The following TEX36 variants were observed in gnomAD, a reference collection of about 807,000 sequenced individuals.
The protein encoded by TEX36 is testis expressed 36, also known as testis-expressed protein 36.
Under a neutral mutation model 13.6 loss-of-function variants are expected in TEX36, and 12 were observed. The observed-to-expected ratio is 0.88, with a 90% CI of 0.56 to 1.43. TEX36 has a LOEUF of 1.43. Ranked by LOEUF, TEX36 falls within the 40% of genes most tolerant of loss-of-function variation. The probability of loss-of-function intolerance (pLI) is 0.00; values close to 1 mark genes in which losing one functional copy is unlikely to be tolerated. For missense variants in TEX36, 224 were observed against 228.3 expected (o/e 0.98, Z 0.12); for synonymous variants, 93 against 83.0 (o/e 1.12, Z -0.65).
intron 3 of TEX36, among the ~76,000 whole-genome samples, chr10:125,613,736 A>C (rs1226071597): frequency 6.6e-6 from 1 of 151,976 alleles, no homozygotes; most frequent in Admixed American, 6.6e-5. Context: ...TGCCGCAATA[A>C]ACATACGTGT....
intron 3 of TEX36, among the ~76,000 whole-genome samples, chr10:125,630,102 G>A (rs954287870): frequency 4.6e-5 from 7 of 152,132 alleles, no homozygotes; most frequent in East Asian, 1.9e-4. Context: ...TTTTCTAGAC[G>A]CCTCCTCTGC....
Position 125,655,813 on chromosome 10 carries a change from A to G in TEX36, c.*87T>C, listed in dbSNP as rs974008132. Reference sequence around the variant, plus strand: ...CATAAAAGTACTTTAAAAATTAAATAGTGGTGCTGGATCAGAAAACATATA... The same window carrying G: ...CATAAAAGTACTTTAAAAATTAAATGGTGGTGCTGGATCAGAAAACATATA... On this transcript the variant is annotated 3_prime_UTR_variant, in exon 4 of 4. Transcript: ENST00000368821. The G allele has an allele frequency of 1.7e-5, 23 of 1,356,682 alleles. No homozygotes were observed. The highest frequency in any genetic ancestry group is 2.1e-5 in the Non-Finnish European group (22 of 1,049,562). The allele number at this position is 1,356,682 out of a possible 1,614,324, so 84.0% of individuals were successfully genotyped here.
chr10:125,618,942 TAAAAAAAAA>T (rs11452140), downstream of TEX36, among the ~76,000 whole-genome samples: 9 of 43,586 alleles, frequency 2.1e-4, no homozygotes, highest in African/African-American at 3.0e-4. Context: ...CCGTCTCTAC[TAAAAAAAAA>T]AAAAAAAAAA....
At chr10:125,662,310 C>T (rs1245087036) in intron 1 of TEX36, among the ~76,000 whole-genome samples, 1 of 152,092 alleles carries the variant, frequency 6.6e-6, no homozygotes, top group Non-Finnish European at 1.5e-5. Flanking sequence ...ATTTGAGATC[C>T]TTCCTGTGGT....
chr10:125,591,759 G>A (rs780898725), intron 3 of TEX36, among the ~76,000 whole-genome samples: 1 of 152,184 alleles, frequency 6.6e-6, no homozygotes, highest in African/African-American at 2.4e-5. Flanking sequence ...CAGACTCAGA[G>A]GATCAATTAG....
chr10:125,674,869 C>T (rs1215683797), intron 1 of TEX36, among the ~76,000 whole-genome samples: 1 of 152,248 alleles, frequency 6.6e-6, no homozygotes, highest in Non-Finnish European at 1.5e-5. Flanking sequence ...TGTAACTTGA[C>T]TGAGGGGTCT....
At chr10:125,585,686 C>T (rs1293372593) in intron 3 of TEX36, among the ~76,000 whole-genome samples, 3 of 152,168 alleles carry the variant, frequency 2.0e-5, no homozygotes, top group Non-Finnish European at 4.4e-5. Flanking sequence ...CTGGGTTCCC[C>T]CACAAAACTC....
intron 3 of TEX36, among the ~76,000 whole-genome samples, chr10:125,657,149 C>T (rs552717445): frequency 5.9e-5 from 9 of 152,282 alleles, no homozygotes; most frequent in Admixed American, 5.2e-4. Flanking sequence ...AGGAAATGGA[C>T]ATTACGTTAC....
intron 3 of TEX36, among the ~76,000 whole-genome samples, chr10:125,577,617 G>C (rs1018252727): frequency 6.6e-6 from 1 of 152,216 alleles, no homozygotes; most frequent in Non-Finnish European, 1.5e-5. Context: ...CCAAACAACT[G>C]TAATTAACAC....
intron 3 of TEX36, among the ~76,000 whole-genome samples, chr10:125,635,637 G>A (rs564515384): frequency 3.3e-5 from 5 of 152,154 alleles, no homozygotes; most frequent in African/African-American, 1.2e-4. Flanking sequence ...CCCCAGCACT[G>A]CCATCCTCCT....
rs867051539 is a variant in TEX36, at chr10:125,661,879, C to T, written c.150G>A (p.Gly50=). 1.9e-6 allele frequency: 3 copies of T among 1,551,894 alleles called. No homozygotes were observed. The highest frequency in any genetic ancestry group is 2.6e-6 in the Non-Finnish European group (3 of 1,147,070). Residue 50 remains glycine (G), a synonymous_variant, in exon 2 of 4, where the codon GGG becomes GGA. Transcript: ENST00000368821. ...QSPHLPRQAE[G]KLPPIYKVRE... ...GGACTTTGTATATGGGCGGCAGCTT[C>T]CCCTCCGCTTGCCGAGGCAAGTGTG...
chr10:125,625,156 G>A (rs1046386957), intron 3 of TEX36, among the ~76,000 whole-genome samples: 5 of 152,182 alleles, frequency 3.3e-5, no homozygotes, highest in African/African-American at 1.2e-4. Context: ...CTCAGGACAC[G>A]CAGACGATAT....
chr10:125,676,325 T>C (rs1847311191), intron 1 of TEX36, among the ~76,000 whole-genome samples: 1 of 152,270 alleles, frequency 6.6e-6, no homozygotes, highest in South Asian at 2.1e-4. Flanking sequence ...AGAACTGTTA[T>C]ATCCTCTTGC....
In TEX36 at chr10:125,612,830, A is replaced by G. The variant is rs187502911; in HGVS notation, c.265-35956T>C. On this transcript the variant is annotated intron_variant, in intron 3 of 3. Transcript: ENST00000532135. Reference sequence around the variant, plus strand: ...ACAGGAAAAAAAAAAACTATATAAAACCAAAATAGAAGAAAATGGCTAGAT... The same window carrying G: ...ACAGGAAAAAAAAAAACTATATAAAGCCAAAATAGAAGAAAATGGCTAGAT... Among the ~76,000 whole-genome samples, 9 of 152,172 alleles carry G rather than the reference A, an allele frequency of 5.9e-5. No individual in the cohort carries two copies. In the East Asian group the frequency reaches 1.7e-3, roughly 29 times the overall value.
intron 1 of TEX36, among the ~76,000 whole-genome samples, chr10:125,680,749 T>C (rs2133617747): frequency 6.6e-6 from 1 of 152,322 alleles, no homozygotes; most frequent in Admixed American, 6.5e-5. Flanking sequence ...ACTATTCTTT[T>C]TATGCTCTTA....
At chr10:125,665,581 G>A (rs905905405) in intron 1 of TEX36, among the ~76,000 whole-genome samples, 2 of 152,112 alleles carry the variant, frequency 1.3e-5, no homozygotes, top group Non-Finnish European at 2.9e-5. Flanking sequence ...CCATTGGTCT[G>A]TGTGTCTAAT....
intron 1 of TEX36, among the ~76,000 whole-genome samples, chr10:125,669,263 C>G (rs1014937374): frequency 4.6e-5 from 7 of 151,846 alleles, no homozygotes; most frequent in African/African-American, 1.5e-4. Flanking sequence ...TGCCCTCCAG[C>G]CTGGAAACAG....
rs550849772 is a variant in TEX36, at chr10:125,628,874, G to A, written c.265-7229C>T. Among the ~76,000 whole-genome samples, 14 of 152,324 alleles carry A rather than the reference G, an allele frequency of 9.2e-5. No homozygotes were observed. The South Asian group carries it at 1.0e-3, about 11-fold the overall frequency. On this transcript the variant is annotated intron_variant, in intron 3 of 3. Coordinates refer to the TEX36 transcript ENST00000526819. ...TGGCTGTGGTAGGGGGGACAGAAGAGTTACTGAGGACTGATGACGCATGTG... is the reference window on the plus strand; with the variant it reads ...TGGCTGTGGTAGGGGGGACAGAAGAATTACTGAGGACTGATGACGCATGTG...
At chr10:125,659,799 T>G (rs1470053993) in intron 3 of TEX36, among the ~76,000 whole-genome samples, 1 of 152,236 alleles carries the variant, frequency 6.6e-6, no homozygotes, top group African/African-American at 2.4e-5. Context: ...GATGTTGGTA[T>G]ATGGCAGATG....
Sources: allele counts gnomAD v4.1 joint callset (sites outside exome capture counted in the v4.1 genomes callset), GRCh38; gene constraint gnomAD v4.1.1; transcripts MANE v1.5; gene names NCBI Gene and HGNC (gene_info 2026-07-23, HGNC 2026-07-21).